The following VWA8 variants were observed in gnomAD, a reference collection of about 807,000 sequenced individuals.
VWA8 encodes von Willebrand factor A domain containing 8.
A neutral mutation model predicts 241.5 loss-of-function variants in VWA8; 221 were observed. The ratio of observed to expected loss-of-function variants is 0.91; its 90% CI spans 0.82 to 1.02. The LOEUF is 1.02. Ranked by LOEUF, VWA8 falls within the 50% of genes least tolerant of loss-of-function variation. The probability of loss-of-function intolerance (pLI) is 0.00; values close to 1 mark genes in which losing one functional copy is unlikely to be tolerated. For synonymous variants in VWA8, 852 were observed against 827.1 expected (o/e 1.03, Z -0.52); for missense variants, 2,322 against 2,328.7 (o/e 1.00, Z 0.06).
chr13:41,639,059 G>A (rs1213129515), intron 37 of VWA8, among the ~76,000 whole-genome samples: 1 of 152,056 alleles, frequency 6.6e-6, no homozygotes. Flanking sequence ...AGAAGCACAA[G>A]ACTGGAATAT....
chr13:41,696,798 T>C (rs1031114752), intron 29 of VWA8, among the ~76,000 whole-genome samples: 4 of 152,244 alleles, frequency 2.6e-5, no homozygotes, highest in African/African-American at 9.6e-5. Flanking sequence ...TCTACTCTAT[T>C]GGTCACTCAC....
chr13:41,877,123 T>C (rs1467833560), intron 9 of VWA8, among the ~76,000 whole-genome samples: 2 of 152,086 alleles, frequency 1.3e-5, no homozygotes, highest in Admixed American at 1.3e-4. Flanking sequence ...TTCTAGTATA[T>C]GGAATTATTT....
In VWA8 at chr13:41,947,954, C is replaced by T. The variant is rs7997953; in HGVS notation, c.241+1982G>A. On this transcript the variant is annotated intron_variant, in intron 2 of 44. Transcript: ENST00000379310. ...CTCAAAAAAAAAAAAAAAAAAAAAA[C>T]AAAACAAAACATTTTGGTAATTCCT... Among the ~76,000 whole-genome samples, 2 of 63,508 alleles carry T rather than the reference C, an allele frequency of 3.1e-5. 1 individual carries two copies. Among genetic ancestry groups the T allele is most frequent in the Admixed American group, 4.0e-4 (2 of 4,968 alleles). 41.7% of individuals were successfully genotyped at this position (63,508 alleles called of 152,430 possible).
intron 27 of VWA8, among the ~76,000 whole-genome samples, chr13:41,702,756 G>A (rs952789231): frequency 6.6e-6 from 1 of 152,218 alleles, no homozygotes; most frequent in Non-Finnish European, 1.5e-5. Context: ...GCTCTACTGT[G>A]CTGCCCTCAG....
chr13:41,584,711 G>A (rs1272850280), intron 42 of VWA8, among the ~76,000 whole-genome samples: 2 of 152,098 alleles, frequency 1.3e-5, no homozygotes, highest in East Asian at 3.8e-4. Context: ...TTTTATCTTG[G>A]TGTCTTGCTA....
chr13:41,849,877 ACT>A (rs1465389054), intron 12 of VWA8, among the ~76,000 whole-genome samples: 2 of 151,234 alleles, frequency 1.3e-5, no homozygotes, highest in Admixed American at 1.3e-4. Flanking sequence ...ACAGAGTGAG[ACT>A]CTGTCTCAAA....
chr13:41,729,808 C>CAT (rs549323277), intron 22 of VWA8, 131 bp from the exon 23 acceptor site: 77,616 of 480,360 alleles, frequency 0.16, 6,272 homozygotes, highest in South Asian at 0.31. Flanking sequence ...GACACACACA[C>CAT]ACACACACAC....
intron 28 of VWA8, among the ~76,000 whole-genome samples, chr13:41,700,833 T>C (rs954649984): frequency 2.0e-5 from 3 of 152,192 alleles, no homozygotes; most frequent in African/African-American, 7.2e-5. Flanking sequence ...ACTCTCTCCC[T>C]TCCCCCAGCC....
rs539843028 is a variant in VWA8 at position 41,670,336 on chromosome 13, T to C, written c.4611+610A>G. Among the ~76,000 whole-genome samples the C allele has an allele frequency of 4.0e-5, 6 of 151,658 alleles. No homozygotes were observed. In the South Asian group the frequency reaches 1.3e-3, roughly 32 times the overall value. ...AGTTCCAGACAGCAACTAGATTGAT[T>C]AGATGATGACTGAGTCATTTCTGGA... On this transcript the variant is annotated intron_variant, in intron 37 of 44. Transcript: ENST00000379310.
chr13:41,883,108 C>G (rs940149918), intron 9 of VWA8, among the ~76,000 whole-genome samples: 4 of 152,140 alleles, frequency 2.6e-5, no homozygotes, highest in Non-Finnish European at 5.9e-5. Flanking sequence ...TTAATATATT[C>G]ATTCATTTGC....
At chr13:41,825,546 G>A (rs1871140938) in intron 14 of VWA8, among the ~76,000 whole-genome samples, 1 of 152,088 alleles carries the variant, frequency 6.6e-6, no homozygotes, top group Non-Finnish European at 1.5e-5. Context: ...CTGTTAGGCA[G>A]CTGCAAGTGA....
Position 41,930,519 on chromosome 13 carries a change from T to C in VWA8, c.242-18351A>G, listed in dbSNP as rs115503180. ...CATGATACAGGTTGAGCAGCTCTAA[T>C]CCCAAAATCATTAATTCAAAATACT... On this transcript the variant is annotated intron_variant, in intron 2 of 44. Transcript: ENST00000379310. Among the ~76,000 whole-genome samples, 256 of 152,272 alleles carry C rather than the reference T, an allele frequency of 1.7e-3. 2 individuals carry two copies. The highest frequency in any genetic ancestry group is 5.7e-3 in the African/African-American group (235 of 41,548).
chr13:41,768,960 T>G (rs2045799030), intron 20 of VWA8, among the ~76,000 whole-genome samples: 3 of 150,578 alleles, frequency 2.0e-5, no homozygotes, highest in African/African-American at 7.3e-5. Flanking sequence ...CTGGAGTTAG[T>G]GACCTAATCT....
At chr13:41,833,618 AC>A (rs1871581404) in intron 12 of VWA8, 87 bp from the exon 13 acceptor site, 9 of 1,375,988 alleles carry the variant, frequency 6.5e-6, no homozygotes, top group Non-Finnish European at 8.6e-6. Flanking sequence ...TTATAGAGTC[AC>A]CTCCGTCTGA....
At chr13:41,749,787 T>C (rs560453676) in intron 21 of VWA8, among the ~76,000 whole-genome samples, 9 of 147,762 alleles carry the variant, frequency 6.1e-5, no homozygotes, top group Admixed American at 1.4e-4. Context: ...TTCTCACTCA[T>C]AGGTGGGAAA....
intron 21 of VWA8, among the ~76,000 whole-genome samples, chr13:41,749,024 A>C (rs76943077): frequency 6.6e-6 from 1 of 152,230 alleles, no homozygotes; most frequent in Non-Finnish European, 1.5e-5. Context: ...TAATTAAACT[A>C]AAGAGCTTCT....
chr13:41,832,620 T>C (rs1404702320), intron 13 of VWA8, among the ~76,000 whole-genome samples: 6 of 152,078 alleles, frequency 3.9e-5, no homozygotes, highest in African/African-American at 7.2e-5. Flanking sequence ...TATTTAACCT[T>C]TCCTAATGAG....
intron 21 of VWA8, among the ~76,000 whole-genome samples, chr13:41,749,070 C>A (rs934575939): frequency 1.5e-4 from 23 of 152,200 alleles, no homozygotes; most frequent in Admixed American, 1.5e-3. Context: ...AGTGAACAGG[C>A]AACCTACAGA....
chr13:41,852,659 AT>A (rs1566481783), intron 12 of VWA8, among the ~76,000 whole-genome samples: 1 of 152,110 alleles, frequency 6.6e-6, no homozygotes, highest in African/African-American at 2.4e-5. Flanking sequence ...AAGGTCTAAT[AT>A]CATTGTTCTG....
Sources: allele counts gnomAD v4.1 joint callset (sites outside exome capture counted in the v4.1 genomes callset), GRCh38; gene constraint gnomAD v4.1.1; transcripts MANE v1.5; gene names NCBI Gene and HGNC (gene_info 2026-07-23, HGNC 2026-07-21).